The following MARCHF1 variants were observed in gnomAD, a reference collection of about 807,000 sequenced individuals.
The protein encoded by MARCHF1 is E3 ubiquitin-protein ligase MARCHF1.
A neutral mutation model predicts 54.2 loss-of-function variants in MARCHF1; 40 were observed. That is an observed-to-expected ratio of 0.74 (90% confidence interval 0.57 to 0.96). The LOEUF (loss-of-function observed/expected upper bound fraction) is 0.96. MARCHF1 is among the 40% of genes least tolerant of loss of function. MARCHF1 has a pLI of 0.00. For missense variants in MARCHF1, 586 were observed against 656.5 expected (o/e 0.89, Z 1.17); for synonymous variants, 236 against 236.3 (o/e 1.00, Z 0.01).
chr4:163,650,235 T>A (rs1031393533), intron 5 of MARCHF1, among the ~76,000 whole-genome samples: 3 of 151,950 alleles, frequency 2.0e-5, no homozygotes, highest in African/African-American at 7.2e-5. Context: ...TGAAAGTAGT[T>A]ATTAAACTAA....
chr4:163,630,729 T>C (rs1027593941), intron 5 of MARCHF1, among the ~76,000 whole-genome samples: 1 of 151,982 alleles, frequency 6.6e-6, no homozygotes, highest in African/African-American at 2.4e-5. Flanking sequence ...TTAATGTCTG[T>C]TGTAGAGTAT....
intron 1 of MARCHF1, among the ~76,000 whole-genome samples, chr4:164,142,517 G>GACCCCCCAGCAGCCTAACTGGGAGGC (rs1158086508): frequency 6.6e-6 from 1 of 152,154 alleles, no homozygotes; most frequent in African/African-American, 2.4e-5. Flanking sequence ...CCTGACCCCT[G>GACCCCCCAGCAGCCTAACTGGGAGGC]ACCCCCCAGC....
chr4:164,345,067 T>C (rs1730039635), intron 1 of MARCHF1, among the ~76,000 whole-genome samples: 2 of 152,210 alleles, frequency 1.3e-5, no homozygotes, highest in Admixed American at 1.3e-4. Context: ...GTGCTAGTGC[T>C]CTATACCATT....
At chr4:163,629,209 A>G (rs1015683977) in intron 5 of MARCHF1, among the ~76,000 whole-genome samples, 2 of 152,212 alleles carry the variant, frequency 1.3e-5, no homozygotes, top group African/African-American at 2.4e-5. Flanking sequence ...CAAAACAGAT[A>G]TATAGACCAA....
At chr4:163,994,351 C>A (rs965647430) in intron 2 of MARCHF1, among the ~76,000 whole-genome samples, 1 of 150,136 alleles carries the variant, frequency 6.7e-6, no homozygotes, top group South Asian at 2.1e-4. Context: ...AGGCTCCTTC[C>A]CCTTCCATAT....
At chr4:164,332,481 T>C (rs1378019837) in intron 1 of MARCHF1, among the ~76,000 whole-genome samples, 1 of 152,170 alleles carries the variant, frequency 6.6e-6, no homozygotes, top group African/African-American at 2.4e-5. Flanking sequence ...TAAAACTAGA[T>C]GGTGTGATAG....
At chr4:163,582,620 G>T (rs1392600330) in intron 8 of MARCHF1, among the ~76,000 whole-genome samples, 2 of 152,150 alleles carry the variant, frequency 1.3e-5, no homozygotes, top group East Asian at 3.8e-4. Flanking sequence ...AACATCATTA[G>T]CTAAATTAAT....
At chr4:163,908,886 G>T (rs963680591) in intron 3 of MARCHF1, among the ~76,000 whole-genome samples, 16 of 151,008 alleles carry the variant, frequency 1.1e-4, no homozygotes, top group African/African-American at 3.9e-4. Flanking sequence ...TGCAAGATTA[G>T]ATACATGAAT....
chr4:163,852,156 ATT>A (rs1336177649), intron 4 of MARCHF1, among the ~76,000 whole-genome samples: 1 of 152,152 alleles, frequency 6.6e-6, no homozygotes, highest in Non-Finnish European at 1.5e-5. Context: ...TAGAAAAAGC[ATT>A]GTTTTGAGAA....
intron 1 of MARCHF1, among the ~76,000 whole-genome samples, chr4:164,241,968 G>T (rs556531296): frequency 8.5e-5 from 13 of 152,216 alleles, no homozygotes; most frequent in Non-Finnish European, 1.9e-4. Context: ...ACCTGGCTCG[G>T]AGGGTCCTAT....
intron 5 of MARCHF1, among the ~76,000 whole-genome samples, chr4:163,637,158 G>A (rs1223571150): frequency 6.6e-6 from 1 of 151,922 alleles, no homozygotes; most frequent in East Asian, 1.9e-4. Context: ...AGAAAACCTA[G>A]GCTTTACCAT....
chr4:164,310,050 A>AT (rs908216293), intron 1 of MARCHF1, among the ~76,000 whole-genome samples: 10 of 151,556 alleles, frequency 6.6e-5, no homozygotes, highest in East Asian at 1.9e-4. Flanking sequence ...GGTACATGAG[A>AT]TTTTTTAATT....
chr4:164,264,484 A>T (rs1050799849), intron 1 of MARCHF1, among the ~76,000 whole-genome samples: 1 of 122,678 alleles, frequency 8.2e-6, no homozygotes, highest in African/African-American at 3.7e-5. Flanking sequence ...AATAAAAGTT[A>T]AAAAAAAAAA....
chr4:163,722,352 C>A (rs564937229), intron 4 of MARCHF1, among the ~76,000 whole-genome samples: 22 of 152,286 alleles, frequency 1.4e-4, no homozygotes, highest in African/African-American at 5.3e-4. Context: ...GAGTGAGTTT[C>A]TGAATCCTGA....
chr4:163,738,111 C>T (rs1746100001), intron 4 of MARCHF1, among the ~76,000 whole-genome samples: 1 of 151,998 alleles, frequency 6.6e-6, no homozygotes, highest in African/African-American at 2.4e-5. Context: ...TAGATCTGGT[C>T]CTAACAAACA....
intron 5 of MARCHF1, among the ~76,000 whole-genome samples, chr4:163,656,447 C>G (rs938858799): frequency 6.6e-6 from 1 of 151,822 alleles, no homozygotes; most frequent in Non-Finnish European, 1.5e-5. Context: ...CAGGACCAGA[C>G]AGATTCACAG....
chr4:163,689,732 A>G (rs1332245386), intron 5 of MARCHF1, among the ~76,000 whole-genome samples: 1 of 152,056 alleles, frequency 6.6e-6, no homozygotes, highest in Non-Finnish European at 1.5e-5. Flanking sequence ...TTGGAGAAAG[A>G]CTTGTCCTAT....
At chr4:164,249,581 C>T (rs1254334008) in intron 1 of MARCHF1, among the ~76,000 whole-genome samples, 1 of 151,778 alleles carries the variant, frequency 6.6e-6, no homozygotes, top group Non-Finnish European at 1.5e-5. Flanking sequence ...ATCAGGGAAT[C>T]CCTTGAAAAT....
At chr4:164,043,132 T>G (rs1754164025) in intron 2 of MARCHF1, among the ~76,000 whole-genome samples, 1 of 152,198 alleles carries the variant, frequency 6.6e-6, no homozygotes, top group Admixed American at 6.5e-5. Flanking sequence ...TGGAGGATGA[T>G]GGCCCTCTTC....
Sources: gnomAD v4.1 joint callset for allele counts (sites outside exome capture counted in the v4.1 genomes callset) on GRCh38, gnomAD v4.1.1 for gene constraint, MANE v1.5 for transcripts, NCBI Gene and HGNC (gene_info 2026-07-23, HGNC 2026-07-21) for gene names.